Variants in KLHL12 observed in about 807,000 individuals in gnomAD.
KLHL12 encodes the protein kelch-like protein 12.
In KLHL12, 17 loss-of-function variants were observed where a neutral mutation model predicts 60.8. The observed-to-expected ratio is 0.28, with a 90% CI of 0.19 to 0.42. The LOEUF (loss-of-function observed/expected upper bound fraction) is 0.42. Among genes scored for constraint, KLHL12 ranks in the 10% least tolerant of loss-of-function variants. The probability of loss-of-function intolerance (pLI) is 1.00; values close to 1 mark genes in which losing one functional copy is unlikely to be tolerated. For missense variants in KLHL12, 468 were observed against 722.3 expected (o/e 0.65, Z 4.04); for synonymous variants, 220 against 250.9 (o/e 0.88, Z 1.16).
intron 5 of KLHL12, among the ~76,000 whole-genome samples, chr1:202,910,671 T>C (rs1660325779): frequency 6.6e-6 from 1 of 152,194 alleles, no homozygotes; most frequent in Non-Finnish European, 1.5e-5. Flanking sequence ...CAAACTCCTT[T>C]CATGCTGGCT....
chr1:202,899,650 A>T (rs77911381), intron 6 of KLHL12, among the ~76,000 whole-genome samples: 2 of 140,700 alleles, frequency 1.4e-5, no homozygotes, highest in East Asian at 2.4e-4. Flanking sequence ...ACATGGCAAA[A>T]CCCCGTCTCT....
chr1:202,920,369 A>ATTTTTTTTTTTTTTTTT (rs951695987), intron 2 of KLHL12, among the ~76,000 whole-genome samples: 1 of 83,806 alleles, frequency 1.2e-5, no homozygotes, highest in Non-Finnish European at 2.1e-5. Context: ...ATTTTGTTGG[A>ATTTTTTTTTTTTTTTTT]TTTTTTTTTT....
chr1:202,927,250 G>T, upstream of KLHL12: 1 of 984,952 alleles, frequency 1.0e-6, no homozygotes, highest in East Asian at 1.2e-4. Context: ...CTGCGGCCGC[G>T]CGACGTGATG....
At chr1:202,915,789 T>C (rs1660505865) in intron 4 of KLHL12, among the ~76,000 whole-genome samples, 1 of 152,188 alleles carries the variant, frequency 6.6e-6, no homozygotes, top group Admixed American at 6.5e-5. Context: ...AAAATGAAGA[T>C]GTGAGAATTA....
rs1318464534 is a variant in KLHL12 at position 202,891,132 on chromosome 1, G to A, written c.*1401C>T. On this transcript the variant is annotated 3_prime_UTR_variant, in exon 12 of 12. Coordinates refer to ENST00000367261, the MANE Select transcript of KLHL12 (RefSeq NM_021633.4). ...CAAACTCTCGGCATTTGAGACCGTTGATTTTTAATATTTTCTTAAAAAAAT... is the reference window on the plus strand; with the variant it reads ...CAAACTCTCGGCATTTGAGACCGTTAATTTTTAATATTTTCTTAAAAAAAT... 200 of 152,404 alleles carry A rather than the reference G, an allele frequency of 1.3e-3. No individual in the cohort carries two copies. Among genetic ancestry groups the A allele is most frequent in the African/African-American group, 4.4e-3 (181 of 41,532 alleles). The allele number at this position is 152,404 out of a possible 1,614,324, so 9.4% of individuals were successfully genotyped here. A position where few individuals can be genotyped will look rare whatever the true frequency, so the allele number is the denominator to read the frequency against.
intron 2 of KLHL12, 36 bp downstream of exon 2, chr1:202,924,932 C>A: frequency 1.3e-6 from 2 of 1,590,324 alleles, no homozygotes; most frequent in Admixed American, 1.8e-5. Flanking sequence ...TAGAGTTCCA[C>A]GGGTTTCATT....
intron 4 of KLHL12, among the ~76,000 whole-genome samples, chr1:202,917,797 C>T (rs1208783660): frequency 6.6e-6 from 1 of 152,072 alleles, no homozygotes; most frequent in Non-Finnish European, 1.5e-5. Context: ...CTATATTTAC[C>T]CACTTGGGGA....
Position 202,893,796 on chromosome 1 carries a change from G to C in KLHL12, c.1394-371C>G, listed in dbSNP as rs1659747963. 6.6e-6 allele frequency among the ~76,000 whole-genome samples: 1 copy of C among 152,186 alleles called. No homozygotes were observed. The highest frequency in any genetic ancestry group is 2.1e-4 in the South Asian group (1 of 4,832). ...ATTTTTACCCAGAGTAAGTAAACTA[G>C]AACAGCACAGTGCTCTCTCCTTTTC... On this transcript the variant is annotated intron_variant, in intron 10 of 11. Transcript: ENST00000367261. The surrounding 1 kb of genome is among the most constrained non-coding windows in gnomAD (Gnocchi z 4.1).
chr1:202,908,491 T>G (rs191373421), intron 6 of KLHL12, among the ~76,000 whole-genome samples: 1 of 152,316 alleles, frequency 6.6e-6, no homozygotes, highest in East Asian at 1.9e-4. Context: ...CACACAGAGG[T>G]TAAGGTTCCT....
In KLHL12 at chr1:202,912,580, A is replaced by G. The variant is rs978102391; in HGVS notation, c.568-1377T>C. On this transcript the variant is annotated intron_variant, in intron 4 of 11. Coordinates refer to ENST00000367261, the MANE Select transcript of KLHL12 (RefSeq NM_021633.4). ...TTGGCAACTACAATAATCAGTCTTC[A>G]AATTTTGGACCCATGAAGGGAGGAA... 4 of 1,256,708 alleles carry G rather than the reference A, an allele frequency of 3.2e-6. No homozygotes were observed. The African/African-American group carries it at 5.8e-5, about 18-fold the overall frequency. 77.8% of individuals were successfully genotyped at this position (1,256,708 alleles called of 1,614,324 possible). A position where few individuals can be genotyped will look rare whatever the true frequency, so the allele number is the denominator to read the frequency against.
chr1:202,905,566 T>G (rs1660155918), intron 6 of KLHL12, among the ~76,000 whole-genome samples: 1 of 152,196 alleles, frequency 6.6e-6, no homozygotes, highest in Non-Finnish European at 1.5e-5. Context: ...CTGGCTTTCA[T>G]GGTATAGGTT....
At chr1:202,896,645 C>A (rs1489377300) in intron 7 of KLHL12, among the ~76,000 whole-genome samples, 1 of 152,244 alleles carries the variant, frequency 6.6e-6, no homozygotes. Flanking sequence ...TTTACCTTGA[C>A]ACAGGGCCAC....
rs144476575 is a variant in KLHL12 at position 202,909,225 on chromosome 1, C to A, written c.718-101G>T. The A allele has an allele frequency of 2.1e-4, 149 of 721,492 alleles. 1 individual carries two copies. The African/African-American group carries it at 2.5e-3, about 12-fold the overall frequency. The allele number at this position is 721,492 out of a possible 1,614,324, so 44.7% of individuals were successfully genotyped here. A position where few individuals can be genotyped will look rare whatever the true frequency, so the allele number is the denominator to read the frequency against. On this transcript the variant is annotated intron_variant, in intron 5 of 11. Coordinates refer to ENST00000367261, the MANE Select transcript of KLHL12 (RefSeq NM_021633.4). This position sits in a 1 kb window ranked among gnomAD's most constrained non-coding sequence, Gnocchi z 4.1. ...ATAATTAACTTCTGACTACAGAAAA[C>A]CAGTTTGCAAAGCCCTGTGATTCCA...
chr1:202,899,055 G>A (rs1255691634), intron 6 of KLHL12, among the ~76,000 whole-genome samples: 2 of 152,022 alleles, frequency 1.3e-5, no homozygotes. Flanking sequence ...GCTCATGCCT[G>A]TAATCCCAAC....
intron 6 of KLHL12, among the ~76,000 whole-genome samples, chr1:202,900,526 G>A (rs1469806860): frequency 6.6e-6 from 1 of 152,096 alleles, no homozygotes; most frequent in East Asian, 1.9e-4. Flanking sequence ...TCCAGCCTGG[G>A]GAACAGAGTG....
upstream of KLHL12, chr1:202,927,356 G>T (rs544463297): frequency 6.4e-6 from 5 of 775,508 alleles, no homozygotes; most frequent in African/African-American, 9.4e-5. Flanking sequence ...CTAGCGCGGG[G>T]CTTCTGTACG....
chr1:202,905,905 C>T (rs963404753), intron 6 of KLHL12, among the ~76,000 whole-genome samples: 1 of 149,862 alleles, frequency 6.7e-6, no homozygotes, highest in African/African-American at 2.4e-5. Context: ...CCTGGGTTCA[C>T]GCCATTCTCC....
intron 2 of KLHL12, among the ~76,000 whole-genome samples, chr1:202,921,397 A>C (rs1660694105): frequency 6.6e-6 from 1 of 151,048 alleles, no homozygotes; most frequent in Non-Finnish European, 1.5e-5. Flanking sequence ...CTGGTCTTGA[A>C]CTCCTGACCT....
chr1:202,908,054 C>T (rs1660249053), intron 6 of KLHL12, among the ~76,000 whole-genome samples: 1 of 152,170 alleles, frequency 6.6e-6, no homozygotes. Flanking sequence ...CCACCCCATA[C>T]ATATAGAGTA....
Sources: allele counts gnomAD v4.1 joint callset (sites outside exome capture counted in the v4.1 genomes callset), GRCh38; gene constraint gnomAD v4.1.1; non-coding constraint Gnocchi (gnomAD v3.1); transcripts MANE v1.5; gene names NCBI Gene and HGNC (gene_info 2026-07-23, HGNC 2026-07-21).